ANKRD12: variants seen among roughly 807,000 people sequenced by gnomAD.
ANKRD12 encodes ankyrin repeat domain-containing protein 12.
ANKRD12 carries 85 observed loss-of-function variants against 183.4 expected under a neutral mutation model. The ratio of observed to expected loss-of-function variants is 0.46; its 90% confidence interval spans 0.39 to 0.56. ANKRD12 has a LOEUF of 0.56. Ranked by LOEUF, ANKRD12 falls within the 20% of genes least tolerant of loss-of-function variation. ANKRD12 has a pLI of 0.00. For synonymous variants in ANKRD12, 914 were observed against 800.2 expected (o/e 1.14, Z -2.40); for missense variants, 2,405 against 2,357.1 (o/e 1.02, Z -0.42).
At chr18:9,137,474 TCGG>T in intron 1 of ANKRD12, 1 of 145,880 alleles carries the variant, frequency 6.9e-6, no homozygotes, top group East Asian at 2.0e-4. Flanking sequence ...CGTGCGGCGG[TCGG>T]ACCCGCGGGG....
intron 10 of ANKRD12, among the ~76,000 whole-genome samples, chr18:9,270,130 T>G (rs1216289106): frequency 1.3e-5 from 2 of 152,150 alleles, no homozygotes; most frequent in Non-Finnish European, 2.9e-5. Context: ...CTGGAGAGAA[T>G]GTGGAGAAAT....
At chr18:9,171,143 C>T (rs1201920333) in intron 1 of ANKRD12, among the ~76,000 whole-genome samples, 5 of 152,170 alleles carry the variant, frequency 3.3e-5, no homozygotes, top group South Asian at 2.1e-4. Flanking sequence ...TTAGGCTACT[C>T]GGGGGTCAAG....
intron 2 of ANKRD12, among the ~76,000 whole-genome samples, chr18:9,186,750 C>CTTTTTTTTT (rs759387137): frequency 1.7e-5 from 2 of 117,248 alleles, no homozygotes; most frequent in Non-Finnish European, 3.6e-5. Context: ...CTTTGATTGT[C>CTTTTTTTTT]TTTTTTTTTT....
At chr18:9,243,401 C>G (rs2037769349) in intron 8 of ANKRD12, among the ~76,000 whole-genome samples, 1 of 152,136 alleles carries the variant, frequency 6.6e-6, no homozygotes, top group Non-Finnish European at 1.5e-5. Flanking sequence ...ATGAGTTTTC[C>G]CCTGTATCAA....
At chr18:9,259,752 T>C (rs2038859023) in intron 9 of ANKRD12, 1 of 152,196 alleles carries the variant, frequency 6.6e-6, no homozygotes, top group South Asian at 2.1e-4. Flanking sequence ...ATTTCCAATT[T>C]GCATATATTA....
At chr18:9,138,594 T>G (rs2078210814) in intron 1 of ANKRD12, among the ~76,000 whole-genome samples, 1 of 152,240 alleles carries the variant, frequency 6.6e-6, no homozygotes, top group Non-Finnish European at 1.5e-5. Context: ...GGCACTGATC[T>G]GAGTTTCTTT....
chr18:9,238,609 C>G (rs957155164), intron 8 of ANKRD12, among the ~76,000 whole-genome samples: 1 of 152,138 alleles, frequency 6.6e-6, no homozygotes, highest in African/African-American at 2.4e-5. Flanking sequence ...TTTTTGAGCA[C>G]TCATTATAGG....
At chr18:9,176,968 C>T (rs545579097) in intron 1 of ANKRD12, among the ~76,000 whole-genome samples, 21 of 152,148 alleles carry the variant, frequency 1.4e-4, no homozygotes, top group African/African-American at 3.1e-4. Context: ...AGTTGCTGTT[C>T]GATACATAGA....
At chr18:9,273,028 C>T (rs1184674319) in intron 10 of ANKRD12, among the ~76,000 whole-genome samples, 2 of 152,070 alleles carry the variant, frequency 1.3e-5, no homozygotes, top group African/African-American at 4.8e-5. Context: ...CCCAGTCTTC[C>T]ATACAGGGCC....
chr18:9,227,963 C>G (rs546141037), intron 8 of ANKRD12, among the ~76,000 whole-genome samples: 1 of 152,280 alleles, frequency 6.6e-6, no homozygotes, highest in East Asian at 1.9e-4. Flanking sequence ...CCACCAATCC[C>G]CTTCCCATTC....
intron 1 of ANKRD12, among the ~76,000 whole-genome samples, chr18:9,168,992 A>G (rs1196632108): frequency 1.3e-5 from 2 of 152,142 alleles, no homozygotes; most frequent in Non-Finnish European, 2.9e-5. Flanking sequence ...GTAGTCATTC[A>G]GGAGCAGGTT....
In ANKRD12 at chr18:9,285,826, T is replaced by C. The variant is rs1114591; in HGVS notation, c.*4700T>C. 31,857 of 152,112 alleles carry C rather than the reference T, an allele frequency of 0.21. 4,114 individuals carry two copies. Among genetic ancestry groups the C allele is most frequent in the African/African-American group, 0.36 (14,942 of 41,444 alleles). 9.4% of individuals were successfully genotyped at this position (152,112 alleles called of 1,614,324 possible). A position where few individuals can be genotyped will look rare whatever the true frequency, so the allele number is the denominator to read the frequency against. On this transcript the variant is annotated 3_prime_UTR_variant, in exon 13 of 13. Coordinates refer to ENST00000262126, the MANE Select transcript of ANKRD12 (RefSeq NM_015208.5). Reference sequence around the variant, plus strand: ...TTGTCTGCCTTGTTTCTCAACATGATGTTTTGAAATTCATCCATGTTGCAC... The same window carrying C: ...TTGTCTGCCTTGTTTCTCAACATGACGTTTTGAAATTCATCCATGTTGCAC...
At chr18:9,208,996 GAAGCTATAC>G (rs2035633390) in intron 5 of ANKRD12, among the ~76,000 whole-genome samples, 193 bp downstream of exon 5, 1 of 152,154 alleles carries the variant, frequency 6.6e-6, no homozygotes, top group South Asian at 2.1e-4. Flanking sequence ...TGCTAAAGTA[GAAGCTATAC>G]AAGAGTAGGG....
At chr18:9,198,452 A>G (rs927142380) in intron 3 of ANKRD12, among the ~76,000 whole-genome samples, 3 of 152,236 alleles carry the variant, frequency 2.0e-5, no homozygotes, top group Admixed American at 2.0e-4. Flanking sequence ...GTGGGTCTAA[A>G]TTATAGAAAT....
intron 8 of ANKRD12, among the ~76,000 whole-genome samples, chr18:9,240,322 T>G (rs950804874): frequency 9.9e-5 from 15 of 152,200 alleles, no homozygotes; most frequent in Non-Finnish European, 1.9e-4. Context: ...AACTTCTGCC[T>G]TTTTCCATTA....
intron 8 of ANKRD12, among the ~76,000 whole-genome samples, chr18:9,246,942 A>C (rs552329918): frequency 6.6e-6 from 1 of 151,116 alleles, no homozygotes; most frequent in African/African-American, 2.5e-5. Flanking sequence ...GTGACTTTGC[A>C]CTACACCAGG....
chr18:9,280,735 G>A lies in ANKRD12; in HGVS notation c.6004-206G>A, dbSNP rs111485346. On this transcript the variant is annotated intron_variant, in intron 12 of 12. Transcript: ENST00000262126. ...ACCCAGGAGGCGGAGGTTGCAGTGA[G>A]CCCAGAGCTCGCCACTGCACTCCAG... Among the ~76,000 whole-genome samples the A allele has an allele frequency of 7.0e-3, 1,060 of 152,140 alleles. 22 individuals are homozygous for A. The highest frequency in any genetic ancestry group is 0.024 in the African/African-American group (1,004 of 41,498).
At chr18:9,149,448 A>G (rs2078605173) in intron 1 of ANKRD12, among the ~76,000 whole-genome samples, 1 of 152,194 alleles carries the variant, frequency 6.6e-6, no homozygotes, top group South Asian at 2.1e-4. Context: ...TATTAAGGAA[A>G]GCGATGGTTG....
At chr18:9,168,744 T>C (rs937058975) in intron 1 of ANKRD12, among the ~76,000 whole-genome samples, 1 of 152,228 alleles carries the variant, frequency 6.6e-6, no homozygotes, top group Non-Finnish European at 1.5e-5. Context: ...ATCTTAGTTA[T>C]TTCTTGCCTT....
Sources: allele counts gnomAD v4.1 joint callset (sites outside exome capture counted in the v4.1 genomes callset), GRCh38; gene constraint gnomAD v4.1.1; transcripts MANE v1.5; gene names NCBI Gene and HGNC (gene_info 2026-07-23, HGNC 2026-07-21).